Variants in RPH3AL observed in about 807,000 individuals in gnomAD.
RPH3AL encodes rab effector Noc2.
Under a neutral mutation model 43.1 loss-of-function variants are expected in RPH3AL, and 38 were observed. That is an observed-to-expected ratio of 0.88 (90% CI 0.68 to 1.15). The LOEUF is 1.15. Among genes scored for constraint, RPH3AL ranks in the 50% most tolerant of loss-of-function variants. The pLI is 0.00. For missense variants in RPH3AL, 462 were observed against 423.2 expected (o/e 1.09, Z -0.81); for synonymous variants, 189 against 176.3 (o/e 1.07, Z -0.57).
At chr17:348,455 G>A (rs923339976) in intron 1 of RPH3AL, among the ~76,000 whole-genome samples, 2 of 151,584 alleles carry the variant, frequency 1.3e-5, no homozygotes, top group African/African-American at 2.4e-5. Flanking sequence ...GTTAATCATG[G>A]GAAATTGAAA....
At position 283,328 on chromosome 17, in the gene RPH3AL, G is replaced by A. The variant is rs989762982; in HGVS notation, c.352-1474C>T. On this transcript the variant is annotated intron_variant, in intron 5 of 9. Transcript: ENST00000331302. The surrounding 1 kb of genome is among the most constrained non-coding windows in gnomAD (Gnocchi z 4.2). ...AGGTCACTGGCCTGATCGGGTGGCCGAGCTCAGTGCCCCTGGGGTGGGGGA... is the reference window on the plus strand; with the variant it reads ...AGGTCACTGGCCTGATCGGGTGGCCAAGCTCAGTGCCCCTGGGGTGGGGGA... 6.6e-6 allele frequency among the ~76,000 whole-genome samples: 1 copy of A among 152,172 alleles called. No homozygotes were observed. The highest frequency in any genetic ancestry group is 2.4e-5 in the African/African-American group (1 of 41,444).
intron 6 of RPH3AL, among the ~76,000 whole-genome samples, chr17:271,502 A>G (rs908495205): frequency 1.3e-5 from 2 of 152,224 alleles, no homozygotes; most frequent in East Asian, 3.9e-4. Context: ...ATCCTTTGTA[A>G]GTTGGATTCC....
chr17:223,863 C>A (rs34778113), intron 7 of RPH3AL, among the ~76,000 whole-genome samples: 14,586 of 152,258 alleles, frequency 0.096, 926 homozygotes, highest in Non-Finnish European at 0.14. Flanking sequence ...CAACCCTGTG[C>A]ACCCGCAGCA....
At position 215,536 on chromosome 17, in the gene RPH3AL, G is replaced by C; in HGVS notation, c.876+118C>G. The C allele has an allele frequency of 1.0e-6, 1 of 989,230 alleles. No individual in the cohort carries two copies. Among genetic ancestry groups the C allele is most frequent in the Non-Finnish European group, 1.3e-6 (1 of 763,294 alleles). The allele number at this position is 989,230 out of a possible 1,614,324, so 61.3% of individuals were successfully genotyped here. A position where few individuals can be genotyped will look rare whatever the true frequency, so the allele number is the denominator to read the frequency against. On this transcript the variant is annotated intron_variant, in intron 9 of 9. Coordinates refer to ENST00000331302, the MANE Select transcript of RPH3AL (RefSeq NM_006987.4). This position sits in a 1 kb window ranked among gnomAD's most constrained non-coding sequence, Gnocchi z 4.1. ...ACCTTGTTCCCCCGCACAGTGCTTG[G>C]TAAACAACATGCAGAATTGAAAACG...
chr17:227,754 G>C (rs1025146612), intron 7 of RPH3AL, among the ~76,000 whole-genome samples: 3 of 152,184 alleles, frequency 2.0e-5, no homozygotes, highest in African/African-American at 7.2e-5. Flanking sequence ...GTGAGCTACG[G>C]CCACTCTGCT....
chr17:280,341 C>T (rs992059669), intron 6 of RPH3AL, among the ~76,000 whole-genome samples: 3 of 152,056 alleles, frequency 2.0e-5, no homozygotes, highest in Non-Finnish European at 4.4e-5. Flanking sequence ...GGACCTGCCC[C>T]GGGACTATAA....
chr17:316,982 T>C (rs1284371120), intron 5 of RPH3AL, among the ~76,000 whole-genome samples: 1 of 138,456 alleles, frequency 7.2e-6, no homozygotes, highest in African/African-American at 2.8e-5. Flanking sequence ...CATTGACCTG[T>C]AGTCCCTGTG....
chr17:236,914 C>T (rs1234639459), intron 7 of RPH3AL, among the ~76,000 whole-genome samples: 1 of 152,274 alleles, frequency 6.6e-6, no homozygotes, highest in Admixed American at 6.5e-5. Flanking sequence ...TGGGCACAGC[C>T]TGGCCGCCTA....
At chr17:278,339 T>G (rs1705829761) in intron 6 of RPH3AL, among the ~76,000 whole-genome samples, 1 of 152,184 alleles carries the variant, frequency 6.6e-6, no homozygotes, top group African/African-American at 2.4e-5. Context: ...CGTGAGTCCA[T>G]CAAGCCTCTT....
At chr17:317,391 A>T (rs1435425869) in intron 5 of RPH3AL, among the ~76,000 whole-genome samples, 2 of 128,596 alleles carry the variant, frequency 1.6e-5, no homozygotes, top group African/African-American at 6.5e-5. Flanking sequence ...CTGTGGCCCC[A>T]CGTCCATTGA....
chr17:314,721 C>CATTG (rs1441087083), intron 5 of RPH3AL, among the ~76,000 whole-genome samples: 4 of 104,790 alleles, frequency 3.8e-5, no homozygotes, highest in African/African-American at 9.5e-5. Flanking sequence ...GCTCCACCTC[C>CATTG]ACTGACCTGT....
At chr17:298,781 A>G (rs986198590) in intron 5 of RPH3AL, among the ~76,000 whole-genome samples, 1 of 152,144 alleles carries the variant, frequency 6.6e-6, no homozygotes, top group Non-Finnish European at 1.5e-5. Context: ...ACAGCAGACT[A>G]GACAAACATT....
chr17:257,262 C>G (rs1229357613), intron 6 of RPH3AL, among the ~76,000 whole-genome samples: 3 of 26,780 alleles, frequency 1.1e-4, no homozygotes, highest in African/African-American at 2.0e-4. Context: ...AGGGGAGCCG[C>G]ACGGCGTCTG....
At chr17:227,927 T>C (rs57380279) in intron 7 of RPH3AL, among the ~76,000 whole-genome samples, 2,925 of 150,802 alleles carry the variant, frequency 0.019, 74 homozygotes, top group African/African-American at 0.065. Context: ...CCCCTGGGAG[T>C]GTAGACACTC....
chr17:257,679 T>G (rs1351906860), intron 6 of RPH3AL, among the ~76,000 whole-genome samples: 4 of 47,090 alleles, frequency 8.5e-5, no homozygotes, highest in African/African-American at 2.4e-4. Context: ...CGTCTGTCCT[T>G]TTCCGTCCCT....
intron 5 of RPH3AL, among the ~76,000 whole-genome samples, chr17:310,308 C>T (rs771685562): frequency 7.2e-5 from 11 of 152,300 alleles, no homozygotes; most frequent in Non-Finnish European, 1.0e-4. Flanking sequence ...GACGCAGCTC[C>T]GAGGACCGGC....
chr17:269,590 C>T (rs771142400), intron 6 of RPH3AL, among the ~76,000 whole-genome samples: 13 of 152,162 alleles, frequency 8.5e-5, no homozygotes, highest in Non-Finnish European at 1.3e-4. Context: ...AATTACTACC[C>T]AACGTCTTTG....
rs564991057 is a variant in RPH3AL at position 269,051 on chromosome 17, T to G, written c.438+12717A>C. The stretch of plus-strand genomic sequence containing the variant: ...CCGCCACCACGCCTGGCTAATTTTT[T>G]GTATTTTTAGTAGAGACGGGGTTTC... On this transcript the variant is annotated intron_variant, in intron 6 of 9. Transcript: ENST00000331302. Among the ~76,000 whole-genome samples, 15 of 152,248 alleles carry G rather than the reference T, an allele frequency of 9.9e-5. No homozygotes were observed. In the East Asian group the frequency reaches 2.9e-3, roughly 29 times the overall value.
In RPH3AL at chr17:289,993, G is replaced by A. The variant is rs1222535470; in HGVS notation, c.352-8139C>T. Among the ~76,000 whole-genome samples the A allele has an allele frequency of 6.6e-6, 1 of 152,180 alleles. No individual in the cohort carries two copies. Among genetic ancestry groups the A allele is most frequent in the Non-Finnish European group, 1.5e-5 (1 of 68,048 alleles). On this transcript the variant is annotated intron_variant, in intron 5 of 9. Coordinates refer to ENST00000331302, the MANE Select transcript of RPH3AL (RefSeq NM_006987.4). This position sits in a 1 kb window ranked among gnomAD's most constrained non-coding sequence, Gnocchi z 5.2. ...CTGCTGGGCCGTCATCTTCCCAAGG[G>A]CAGAGGCCACGTCTATTTCTGTTCA...
Sources: allele counts gnomAD v4.1 joint callset (sites outside exome capture counted in the v4.1 genomes callset), GRCh38; gene constraint gnomAD v4.1.1; non-coding constraint Gnocchi (gnomAD v3.1); transcripts MANE v1.5; gene names NCBI Gene and HGNC (gene_info 2026-07-23, HGNC 2026-07-21).